Variants in LUZP2 observed in about 807,000 individuals in gnomAD.
LUZP2 encodes leucine zipper protein 2.
In LUZP2, 52 loss-of-function variants were observed where a neutral mutation model predicts 51.6. The observed-to-expected ratio is 1.01, with a 90% CI of 0.81 to 1.27. The LOEUF is 1.27. LUZP2 is among the 50% of genes most tolerant of loss of function. LUZP2 has a pLI of 0.00. For missense variants in LUZP2, 436 were observed against 395.4 expected (o/e 1.10, Z -0.87); for synonymous variants, 154 against 137.3 (o/e 1.12, Z -0.85).
At chr11:24,917,859 C>T (rs980961612) in intron 7 of LUZP2, among the ~76,000 whole-genome samples, 5 of 151,978 alleles carry the variant, frequency 3.3e-5, no homozygotes, top group African/African-American at 1.2e-4. Flanking sequence ...TAGTTTTTTC[C>T]AATTCTGTGA....
At chr11:24,500,086 T>C (rs1849947748) in intron 1 of LUZP2, among the ~76,000 whole-genome samples, 1 of 152,190 alleles carries the variant, frequency 6.6e-6, no homozygotes, top group Admixed American at 6.5e-5. Flanking sequence ...CAACTTTAGA[T>C]GCTGAAGCAC....
intron 7 of LUZP2, among the ~76,000 whole-genome samples, chr11:24,958,528 T>A (rs1175604551): frequency 6.6e-6 from 1 of 152,126 alleles, no homozygotes; most frequent in African/African-American, 2.4e-5. Flanking sequence ...TTTTCATGTG[T>A]TTTTTGGCTG....
In LUZP2 at chr11:25,027,869, CAA is replaced by C. The variant is rs66524969; in HGVS notation, c.766-22155_766-22154del. ...TGGGCGAAAGAACGAAATTCCGTCT[CAA>C]AAAAAAAAAAAAAGGTGTTTAGATT... is the stretch of plus-strand genomic sequence containing the variant. On this transcript the variant is annotated intron_variant, in intron 9 of 11. Coordinates refer to ENST00000336930, the MANE Select transcript of LUZP2 (RefSeq NM_001009909.4). 1.1e-3 allele frequency among the ~76,000 whole-genome samples: 98 copies of C among 92,432 alleles called. 1 individual carries two copies. Among genetic ancestry groups the C allele is most frequent in the East Asian group, 2.0e-3 (9 of 4,516 alleles). The allele number at this position is 92,432 out of a possible 152,430, so 60.6% of individuals were successfully genotyped here.
intron 1 of LUZP2, among the ~76,000 whole-genome samples, chr11:24,710,815 G>A (rs555862774): frequency 6.6e-6 from 1 of 151,978 alleles, no homozygotes; most frequent in East Asian, 1.9e-4. Context: ...AAAACTTTAT[G>A]AAGTCAGGTA....
At chr11:24,873,292 T>G (rs1253020377) in intron 5 of LUZP2, among the ~76,000 whole-genome samples, 1 of 152,194 alleles carries the variant, frequency 6.6e-6, no homozygotes, top group Non-Finnish European at 1.5e-5. Context: ...GAATTCCTTA[T>G]GTAGTAAATA....
intron 1 of LUZP2, among the ~76,000 whole-genome samples, chr11:24,598,775 T>C (rs758230150): frequency 5.9e-5 from 9 of 152,082 alleles, no homozygotes; most frequent in Admixed American, 2.6e-4. Context: ...TTATGGCAAA[T>C]GGAAAGGCTG....
At chr11:24,927,457 TTTCATTCTCCTATTATGTGGC>T (rs1854313979) in intron 7 of LUZP2, among the ~76,000 whole-genome samples, 1 of 151,974 alleles carries the variant, frequency 6.6e-6, no homozygotes, top group Non-Finnish European at 1.5e-5. Flanking sequence ...GAGTATCCAG[TTTCATTCTCCTATTATGTGGC>T]TTATTTGTAT....
intron 4 of LUZP2, among the ~76,000 whole-genome samples, chr11:24,755,206 A>G (rs954881573): frequency 1.3e-5 from 2 of 152,062 alleles, no homozygotes; most frequent in Admixed American, 6.5e-5. Context: ...TTCACTATCC[A>G]TTTTAGTAAA....
At chr11:24,595,468 G>A (rs573825301) in intron 1 of LUZP2, among the ~76,000 whole-genome samples, 18 of 152,130 alleles carry the variant, frequency 1.2e-4, no homozygotes, top group Non-Finnish European at 2.4e-4. Flanking sequence ...GGGGCAAAGC[G>A]CTCTATGAGA....
chr11:24,989,703 T>C (rs993122303), intron 9 of LUZP2, among the ~76,000 whole-genome samples: 1 of 152,078 alleles, frequency 6.6e-6, no homozygotes, highest in African/African-American at 2.4e-5. Flanking sequence ...AAACTGAGCT[T>C]GCCAAATTTC....
Position 24,890,843 on chromosome 11 carries a change from A to G in LUZP2, c.397-15148A>G, listed in dbSNP as rs143253603. 8.4e-4 allele frequency: 744 copies of G among 882,818 alleles called. 5 individuals carry two copies. The African/African-American group carries it at 0.013, about 15-fold the overall frequency. The allele number at this position is 882,818 out of a possible 1,614,324, so 54.7% of individuals were successfully genotyped here. On this transcript the variant is annotated intron_variant, in intron 5 of 11. Transcript: ENST00000336930. The stretch of plus-strand genomic sequence containing the variant: ...CTAACAGAAATTTCTAAAATCACAT[A>G]TAGAAAAAATATAAAGCATTTTAGG...
intron 4 of LUZP2, among the ~76,000 whole-genome samples, chr11:24,758,325 G>T (rs186727640): frequency 1.3e-5 from 1 of 75,442 alleles, no homozygotes; most frequent in Non-Finnish European, 2.5e-5. Flanking sequence ...AATGACTTGC[G>T]TGTGTGTGTG....
At chr11:24,897,456 C>G (rs184448622) in intron 5 of LUZP2, among the ~76,000 whole-genome samples, 1 of 152,238 alleles carries the variant, frequency 6.6e-6, no homozygotes, top group Admixed American at 6.5e-5. Flanking sequence ...CCAGCGAAAC[C>G]ATGAACCCAC....
intron 7 of LUZP2, among the ~76,000 whole-genome samples, chr11:24,958,818 AGTCCTTGCCCAT>A (rs1156307042): frequency 6.6e-6 from 1 of 152,164 alleles, no homozygotes; most frequent in Non-Finnish European, 1.5e-5. Flanking sequence ...TTAGACATGA[AGTCCTTGCCCAT>A]GCCTATGTCC....
intron 5 of LUZP2, among the ~76,000 whole-genome samples, chr11:24,797,973 A>G (rs980875027): frequency 6.6e-6 from 1 of 152,154 alleles, no homozygotes; most frequent in African/African-American, 2.4e-5. Context: ...ACTAAGAAAA[A>G]TACAAAGTAA....
At chr11:25,059,593 T>A (rs12800024) in intron 10 of LUZP2, among the ~76,000 whole-genome samples, 80,918 of 151,944 alleles carry the variant, frequency 0.53, 22,279 homozygotes, top group African/African-American at 0.62. Flanking sequence ...TTAGATTAGA[T>A]GGGCTGATTG....
chr11:24,602,540 A>G (rs550811325), intron 1 of LUZP2, among the ~76,000 whole-genome samples: 4 of 151,404 alleles, frequency 2.6e-5, no homozygotes, highest in Non-Finnish European at 4.4e-5. Context: ...TCCTATTAGA[A>G]GATTTAGACT....
At chr11:24,526,270 A>AAG (rs1202849975) in intron 1 of LUZP2, among the ~76,000 whole-genome samples, 2 of 151,100 alleles carry the variant, frequency 1.3e-5, no homozygotes, top group Admixed American at 1.3e-4. Flanking sequence ...GGGGGCAAAA[A>AAG]AAAAAAAAGC....
chr11:24,885,885 G>A (rs888533842), intron 5 of LUZP2, among the ~76,000 whole-genome samples: 1 of 152,054 alleles, frequency 6.6e-6, no homozygotes, highest in Non-Finnish European at 1.5e-5. Flanking sequence ...AGAAAACCAA[G>A]TTCATATTCT....
Sources: allele counts gnomAD v4.1 joint callset (sites outside exome capture counted in the v4.1 genomes callset), GRCh38; gene constraint gnomAD v4.1.1; transcripts MANE v1.5; gene names NCBI Gene and HGNC (gene_info 2026-07-23, HGNC 2026-07-21).